RALGPS2: variants seen among roughly 807,000 people sequenced by gnomAD.
RALGPS2 encodes ras-specific guanine nucleotide-releasing factor RalGPS2.
A neutral mutation model predicts 86.8 loss-of-function variants in RALGPS2; 43 were observed. The observed-to-expected ratio is 0.50, with a 90% CI of 0.39 to 0.64. The LOEUF (loss-of-function observed/expected upper bound fraction) is 0.64, where lower values mean the gene tolerates loss of function less well. Ranked by LOEUF, RALGPS2 falls within the 30% of genes least tolerant of loss-of-function variation. The pLI is 0.00. For missense variants in RALGPS2, 536 were observed against 694.6 expected (o/e 0.77, Z 2.57); for synonymous variants, 243 against 231.3 (o/e 1.05, Z -0.46).
chr1:178,851,883 G>T (rs2102292872), intron 8 of RALGPS2, among the ~76,000 whole-genome samples: 1 of 152,220 alleles, frequency 6.6e-6, no homozygotes, highest in South Asian at 2.1e-4. Context: ...GGGGAGAATT[G>T]TTGGGTGGAG....
intron 16 of RALGPS2, among the ~76,000 whole-genome samples, chr1:178,896,852 A>G (rs1419867834): frequency 6.7e-4 from 101 of 150,252 alleles, no homozygotes; most frequent in Non-Finnish European, 1.3e-3. Flanking sequence ...TTCTTAATCC[A>G]GTCTATCATT....
chr1:178,851,249 T>C, intron 8 of RALGPS2: 1 of 1,613,942 alleles, frequency 6.2e-7, no homozygotes, highest in Non-Finnish European at 8.5e-7. Context: ...TGTACCATAC[T>C]CCATTTAGGT....
intron 8 of RALGPS2, among the ~76,000 whole-genome samples, chr1:178,834,070 T>G (rs1331824569): frequency 6.6e-6 from 1 of 152,174 alleles, no homozygotes; most frequent in African/African-American, 2.4e-5. Context: ...TTATATATCT[T>G]GTAGTGCTTA....
intron 4 of RALGPS2, among the ~76,000 whole-genome samples, chr1:178,792,969 A>G (rs1372438142): frequency 6.6e-6 from 1 of 152,200 alleles, no homozygotes; most frequent in East Asian, 1.9e-4. Context: ...GCAGTTTTGA[A>G]GACAAATTGC....
chr1:178,767,142 T>C (rs1311164948), intron 1 of RALGPS2, among the ~76,000 whole-genome samples: 1 of 152,206 alleles, frequency 6.6e-6, no homozygotes, highest in African/African-American at 2.4e-5. Context: ...ATTTTTTGAT[T>C]GGGCTTTGAC....
At chr1:178,883,389 A>G in intron 10 of RALGPS2, 77 bp from the exon 11 acceptor site, 2 of 1,173,900 alleles carry the variant, frequency 1.7e-6, no homozygotes, top group South Asian at 2.6e-5. Flanking sequence ...TTTTTTTGTG[A>G]GAAAATACAC....
chr1:178,889,877 G>C lies in RALGPS2; in HGVS notation c.1247+181G>C, dbSNP rs1659648773. ...ATGTAAGTAATGAGAATGAATGATA[G>C]TCTTATCTCTAAATGTTTATTTGGT... On this transcript the variant is annotated intron_variant, in intron 14 of 19. Transcript: ENST00000367635. Among the ~76,000 whole-genome samples the C allele has an allele frequency of 4.6e-5, 7 of 152,006 alleles. No homozygotes were observed. The South Asian group carries it at 1.5e-3, about 32-fold the overall frequency.
rs559090267 is a variant in RALGPS2, at chr1:178,890,520, G to A, written c.1247+824G>A. ...GGGTCATTTAGATTGAATGTTAAAT[G>A]TCATATTAATACTGAAGTTGAAAAT... On this transcript the variant is annotated intron_variant, in intron 14 of 19. Coordinates refer to ENST00000367635, the MANE Select transcript of RALGPS2 (RefSeq NM_152663.5). Among the ~76,000 whole-genome samples, 51 of 151,976 alleles carry A rather than the reference G, an allele frequency of 3.4e-4. No individual in the cohort carries two copies. The Middle Eastern group carries it at 0.01, about 30-fold the overall frequency.
chr1:178,791,692 C>G (rs1274273118), intron 4 of RALGPS2, among the ~76,000 whole-genome samples: 4 of 152,062 alleles, frequency 2.6e-5, no homozygotes. Flanking sequence ...CCTGGTAATT[C>G]TTACTAGTTT....
intron 8 of RALGPS2, chr1:178,869,180 A>G (rs1439472007): frequency 6.6e-6 from 1 of 152,048 alleles, no homozygotes; most frequent in Admixed American, 6.6e-5. Flanking sequence ...GCGTTGGGTT[A>G]ATTTTATTAG....
chr1:178,894,188 AT>A (rs953496827), intron 16 of RALGPS2, 164 bp downstream of exon 16: 39 of 496,234 alleles, frequency 7.9e-5, no homozygotes, highest in Middle Eastern at 5.4e-4. Flanking sequence ...CCATTCCAAG[AT>A]CCCCCGGGGA....
At chr1:178,742,967 A>G (rs867335686) in intron 1 of RALGPS2, among the ~76,000 whole-genome samples, 2 of 152,202 alleles carry the variant, frequency 1.3e-5, no homozygotes, top group African/African-American at 4.8e-5. Context: ...TGTAATCCCA[A>G]CACTTTGGGA....
intron 1 of RALGPS2, among the ~76,000 whole-genome samples, chr1:178,768,833 C>T (rs1254874194): frequency 1.3e-5 from 2 of 152,162 alleles, no homozygotes; most frequent in Admixed American, 1.3e-4. Flanking sequence ...TCCTTGACCC[C>T]AAGTTCTCTA....
At chr1:178,799,820 A>G (rs191836787) in intron 4 of RALGPS2, among the ~76,000 whole-genome samples, 1 of 152,326 alleles carries the variant, frequency 6.6e-6, no homozygotes, top group Admixed American at 6.5e-5. Flanking sequence ...ATCAAAGTCT[A>G]AAAGAATTGC....
chr1:178,802,870 C>G (rs753111736), intron 4 of RALGPS2, among the ~76,000 whole-genome samples: 1 of 152,028 alleles, frequency 6.6e-6, no homozygotes, highest in Non-Finnish European at 1.5e-5. Context: ...CACGCCATCC[C>G]TAGCTTTTTC....
chr1:178,843,365 A>T (rs1572390213), intron 8 of RALGPS2, among the ~76,000 whole-genome samples: 4 of 147,962 alleles, frequency 2.7e-5, no homozygotes, highest in East Asian at 2.0e-4. Context: ...GACATGGATG[A>T]AATTGGAAAT....
At chr1:178,769,570 A>C (rs570578513) in intron 1 of RALGPS2, among the ~76,000 whole-genome samples, 1 of 151,812 alleles carries the variant, frequency 6.6e-6, no homozygotes, top group Admixed American at 6.6e-5. Context: ...GGGTGCTCCA[A>C]ATTTCTGGAT....
chr1:178,811,155 T>G (rs964025523), intron 5 of RALGPS2, among the ~76,000 whole-genome samples, 160 bp from the exon 6 acceptor site: 2 of 152,090 alleles, frequency 1.3e-5, no homozygotes, highest in African/African-American at 4.8e-5. Context: ...TAAACAGTCA[T>G]GTAGAATTAC....
At chr1:178,792,765 C>T (rs552391101) in intron 4 of RALGPS2, among the ~76,000 whole-genome samples, 1 of 152,274 alleles carries the variant, frequency 6.6e-6, no homozygotes, top group African/African-American at 2.4e-5. Context: ...TTCCCCCTTC[C>T]TCTTGATATG....
Sources: gnomAD v4.1 joint callset for allele counts (sites outside exome capture counted in the v4.1 genomes callset) on GRCh38, gnomAD v4.1.1 for gene constraint, MANE v1.5 for transcripts, NCBI Gene and HGNC (gene_info 2026-07-23, HGNC 2026-07-21) for gene names.